The following RPN2 variants were observed in gnomAD, a reference collection of about 807,000 sequenced individuals.
RPN2 encodes the protein dolichyl-diphosphooligosaccharide--protein glycosyltransferase subunit 2.
Under a neutral mutation model 71.4 loss-of-function variants are expected in RPN2, and 29 were observed. That is an observed-to-expected ratio of 0.41 (90% CI 0.30 to 0.55). RPN2 has a LOEUF of 0.55. Among genes scored for constraint, RPN2 ranks in the 20% least tolerant of loss-of-function variants. The pLI, the probability that RPN2 is intolerant of heterozygous loss-of-function variation, is 0.35. For missense variants in RPN2, 726 were observed against 774.1 expected (o/e 0.94, Z 0.74); for synonymous variants, 308 against 305.0 (o/e 1.01, Z -0.10).
Position 37,184,277 on chromosome 20 carries a change from A to G in RPN2, c.111A>G (p.Leu37=). ...HYLTKHDVER[L]KASLDRPFTN... is the part of the protein sequence containing the mutation. ...TCACCAAGCATGACGTGGAGAGACT[A>G]AAAGCCTCGCTGGATCGCCCTTTCA... The change falls in exon 2 of 17, where the codon CTA becomes CTG. Residue 37 remains leucine, a synonymous_variant. Coordinates refer to ENST00000237530, the MANE Select transcript of RPN2 (RefSeq NM_002951.5). The G allele has an allele frequency of 1.2e-6, 2 of 1,614,176 alleles. No homozygotes were observed. Among genetic ancestry groups the G allele is most frequent in the South Asian group, 1.1e-5 (1 of 91,088 alleles).
intron 9 of RPN2, among the ~76,000 whole-genome samples, chr20:37,222,212 T>C (rs1158709267): frequency 2.6e-5 from 4 of 152,248 alleles, no homozygotes; most frequent in Admixed American, 2.6e-4. Context: ...GCTCCCTTCT[T>C]GGGGGTGTCT....
intron 15 of RPN2, among the ~76,000 whole-genome samples, chr20:37,235,881 C>T (rs1488777057): frequency 6.6e-6 from 1 of 152,086 alleles, no homozygotes; most frequent in Non-Finnish European, 1.5e-5. Flanking sequence ...AATGCCTGAC[C>T]TCAAGTGATC....
intron 16 of RPN2, among the ~76,000 whole-genome samples, chr20:37,240,615 A>G (rs1027313048): frequency 2.0e-5 from 3 of 152,146 alleles, no homozygotes; most frequent in Non-Finnish European, 2.9e-5. Flanking sequence ...CCTCAGCTTC[A>G]CAGTCTGTCT....
intron 6 of RPN2, among the ~76,000 whole-genome samples, chr20:37,206,735 GTCTT>G (rs1273659129): frequency 1.3e-5 from 2 of 151,918 alleles, no homozygotes; most frequent in Non-Finnish European, 2.9e-5. Flanking sequence ...TTCAGACAGA[GTCTT>G]TCTCTGTCGC....
At chr20:37,240,532 G>GGT (rs1026137635) in intron 16 of RPN2, among the ~76,000 whole-genome samples, 3 of 152,120 alleles carry the variant, frequency 2.0e-5, no homozygotes, top group African/African-American at 4.8e-5. Flanking sequence ...ACTGAAGGAT[G>GGT]GTGTGTGTGT....
chr20:37,205,443 T>C (rs2067491547), intron 6 of RPN2, among the ~76,000 whole-genome samples: 1 of 152,130 alleles, frequency 6.6e-6, no homozygotes, highest in Non-Finnish European at 1.5e-5. Flanking sequence ...TTAGTTGGAA[T>C]GCATGTGGGA....
At chr20:37,204,654 A>C in intron 5 of RPN2, 113 bp from the exon 6 acceptor site, 1 of 1,149,682 alleles carries the variant, frequency 8.7e-7, no homozygotes, top group Non-Finnish European at 1.3e-6. Context: ...GATGGTCTTC[A>C]GATTTAGAGT....
Position 37,210,035 on chromosome 20 carries a change from A to G in RPN2, c.868-12A>G, listed in dbSNP as rs1246721705. 1 of 1,613,234 alleles carries G rather than the reference A, an allele frequency of 6.2e-7. No individual in the cohort carries two copies. The highest frequency in any genetic ancestry group is 8.5e-7 in the Non-Finnish European group (1 of 1,179,876). On this transcript the variant is annotated splice_polypyrimidine_tract_variant and intron_variant, in intron 7 of 16. Coordinates refer to ENST00000237530, the MANE Select transcript of RPN2 (RefSeq NM_002951.5). The stretch of plus-strand genomic sequence containing the variant: ...CCTTTGTTGTAACAAATAATTTTTT[A>G]TTTATTTCCAGTTGCAAGTCACCAA...
chr20:37,228,503 G>A (rs1361041112), intron 11 of RPN2, 47 bp from the exon 12 acceptor site: 2 of 1,569,762 alleles, frequency 1.3e-6, no homozygotes, highest in South Asian at 2.2e-5. Context: ...GGCCCAGGGA[G>A]AATCTTGAAA....
At chr20:37,205,002 G>A in intron 6 of RPN2, 101 bp downstream of exon 6, 1 of 1,528,054 alleles carries the variant, frequency 6.5e-7, no homozygotes, top group Non-Finnish European at 9.0e-7. Context: ...ACAGTACCTT[G>A]GGATGCTGTC....
intron 4 of RPN2, among the ~76,000 whole-genome samples, chr20:37,202,103 G>A (rs1009324160): frequency 1.6e-4 from 25 of 152,286 alleles, no homozygotes; most frequent in African/African-American, 5.8e-4. Flanking sequence ...AACTTCTGAG[G>A]TTGTTACCAG....
Position 37,229,993 on chromosome 20 carries a change from C to G in RPN2, c.1515C>G (p.Phe505Leu). ...TCTAGGCTGATGTGGTCATCAAGTTCCCTGAGGAAGAAGCTCCCTCGACTG... is the reference window on the plus strand; with the variant it reads ...TCTAGGCTGATGTGGTCATCAAGTTGCCTGAGGAAGAAGCTCCCTCGACTG... ...LWNVADVVIK[F>L]PEEEAPSTVL... Residue 505 changes from phenylalanine (F) to leucine (L), a missense_variant, in exon 13 of 17, where the codon TTC becomes TTG. Physicochemically the swap from Phe to Leu is conservative, Grantham distance 22. Transcript: ENST00000237530. 1 of 1,614,092 alleles carries G rather than the reference C, an allele frequency of 6.2e-7. No homozygotes were observed. Among genetic ancestry groups the G allele is most frequent in the Non-Finnish European group, 8.5e-7 (1 of 1,179,940 alleles).
intron 4 of RPN2, among the ~76,000 whole-genome samples, chr20:37,199,997 AT>A (rs756887601): frequency 0.022 from 3,193 of 142,796 alleles, 61 homozygotes; most frequent in East Asian, 0.11. Flanking sequence ...CGCCTAGCTA[AT>A]TTTTTTTTTT....
chr20:37,211,845 C>A (rs753789946), intron 8 of RPN2, among the ~76,000 whole-genome samples: 8 of 151,812 alleles, frequency 5.3e-5, no homozygotes, highest in Non-Finnish European at 1.0e-4. Context: ...TCAAATGATT[C>A]TTCTGCCCCA....
intron 4 of RPN2, among the ~76,000 whole-genome samples, chr20:37,201,905 T>G (rs953566619): frequency 7.2e-5 from 11 of 152,198 alleles, no homozygotes; most frequent in African/African-American, 2.7e-4. Context: ...CCTGAGAAGA[T>G]CTCATTGTAG....
chr20:37,224,097 A>G, intron 10 of RPN2, 128 bp downstream of exon 10: 2 of 766,936 alleles, frequency 2.6e-6, no homozygotes, highest in Middle Eastern at 2.9e-4. Flanking sequence ...CCTAAATTAA[A>G]GAGTCTGTAG....
chr20:37,206,849 C>A (rs1423210947), intron 6 of RPN2, among the ~76,000 whole-genome samples: 1 of 152,162 alleles, frequency 6.6e-6, no homozygotes, highest in South Asian at 2.1e-4. Flanking sequence ...GATGGGATTA[C>A]AGGCGCATGC....
intron 2 of RPN2, among the ~76,000 whole-genome samples, chr20:37,190,290 A>G (rs956530755): frequency 3.3e-5 from 5 of 152,176 alleles, no homozygotes; most frequent in Non-Finnish European, 5.9e-5. Flanking sequence ...CTGAAGATGT[A>G]GATTGAGAGG....
intron 2 of RPN2, among the ~76,000 whole-genome samples, chr20:37,195,555 A>G (rs1334818054): frequency 6.6e-6 from 1 of 152,230 alleles, no homozygotes; most frequent in Non-Finnish European, 1.5e-5. Context: ...ACTTAAGGTG[A>G]TAAGAGTGCC....
Sources: allele counts gnomAD v4.1 joint callset (sites outside exome capture counted in the v4.1 genomes callset), GRCh38; gene constraint gnomAD v4.1.1; transcripts MANE v1.5; gene names NCBI Gene and HGNC (gene_info 2026-07-23, HGNC 2026-07-21).